The following CLUH variants were observed in gnomAD, a reference collection of about 807,000 sequenced individuals.
CLUH encodes CLUH binding protein of NUMT mRNA.
A neutral mutation model predicts 139.3 loss-of-function variants in CLUH; 77 were observed. That is an observed-to-expected ratio of 0.55 (90% CI 0.46 to 0.67). The LOEUF (loss-of-function observed/expected upper bound fraction) is 0.67. Ranked by LOEUF, CLUH falls within the 30% of genes least tolerant of loss-of-function variation. The pLI, the probability that CLUH is intolerant of heterozygous loss-of-function variation, is 0.00. For synonymous variants in CLUH, 999 were observed against 801.6 expected, an observed-to-expected ratio of 1.25 and a Z score of -4.16; for missense variants, 1,876 against 1,875.8, an observed-to-expected ratio of 1.00 and a Z score of 0.00.
At chr17:2,698,707 G>T in intron 9 of CLUH, 117 bp from the exon 10 acceptor site, 1 of 940,254 alleles carries the variant, frequency 1.1e-6, no homozygotes, top group Non-Finnish European at 1.5e-6. Context: ...GGAAACCCAA[G>T]GACCCGGAGC....
At chr17:2,694,822 T>TTCC in intron 16 of CLUH, 35 bp downstream of exon 16, 4 of 1,346,336 alleles carry the variant, frequency 3.0e-6, no homozygotes, top group Non-Finnish European at 4.0e-6. Flanking sequence ...ATCTGCCCAA[T>TTCC]CCCACCCACC....
intron 19 of CLUH, 59 bp downstream of exon 19, chr17:2,693,841 C>G: frequency 6.5e-7 from 1 of 1,546,434 alleles, no homozygotes; most frequent in South Asian, 1.2e-5. Context: ...TCAGGGGCCC[C>G]CTCACTCCCC....
chr17:2,702,758 G>A (rs12103845), intron 3 of CLUH, among the ~76,000 whole-genome samples: 4 of 150,608 alleles, frequency 2.7e-5, no homozygotes, highest in East Asian at 1.9e-4. Context: ...ACTGAACTGC[G>A]CTGACTTCAC....
chr17:2,700,633 G>GGAGGGCAGGGGTGCCCAGC, intron 8 of CLUH, 45 bp downstream of exon 8: 1 of 1,516,346 alleles, frequency 6.6e-7, no homozygotes, highest in South Asian at 1.3e-5. Flanking sequence ...CCAGCACCCA[G>GGAGGGCAGGGGTGCCCAGC]GAGGGCAGGG....
intron 10 of CLUH, 40 bp from the exon 11 acceptor site, chr17:2,696,982 C>A: frequency 1.4e-6 from 2 of 1,449,902 alleles, no homozygotes; most frequent in Non-Finnish European, 1.8e-6. Flanking sequence ...AGCTGGACAT[C>A]GGGGAGAGGA....
chr17:2,698,024 G>A lies in CLUH; in HGVS notation c.1833C>T (p.Asp611=). The A allele has an allele frequency of 3.7e-6, 6 of 1,604,704 alleles. No individual in the cohort carries two copies. Among genetic ancestry groups the A allele is most frequent in the Non-Finnish European group, 4.2e-6 (5 of 1,178,868 alleles). ...CGCCAGGCACGGGCAGGAAGTTGAG[G>A]TCCGGGGGGAAGGTGCGCAGCAGGT... ...ILDLLRTFPP[D]LNFLPVPGEE... The change falls in exon 10 of 26, where the codon GAC becomes GAT. Residue 611 remains aspartate, a synonymous_variant. Coordinates refer to ENST00000651024, the MANE Select transcript of CLUH (RefSeq NM_001366661.1).
At chr17:2,709,373 C>T (rs965576312) in intron 1 of CLUH, among the ~76,000 whole-genome samples, 10 of 152,320 alleles carry the variant, frequency 6.6e-5, no homozygotes, top group Admixed American at 6.5e-4. Context: ...TGTTTGCCTC[C>T]TTCCTGTCCC....
intron 16 of CLUH, 31 bp downstream of exon 16, chr17:2,694,823 CCCA>C: frequency 9.4e-6 from 8 of 848,522 alleles, no homozygotes; most frequent in Non-Finnish European, 1.4e-5. Context: ...TCTGCCCAAT[CCCA>C]CCCACCCCAC....
intron 25 of CLUH, 28 bp from the exon 26 acceptor site, chr17:2,690,805 G>A (rs376830271): frequency 1.4e-6 from 2 of 1,456,616 alleles, no homozygotes; most frequent in Non-Finnish European, 9.0e-7. Context: ...GATGGAGGTG[G>A]CTCTCAGAGG....
At position 2,706,889 on chromosome 17, in the gene CLUH, C is replaced by G. The variant is rs960170609; in HGVS notation, c.101-2325G>C. 2.0e-5 allele frequency among the ~76,000 whole-genome samples: 3 copies of G among 152,174 alleles called. No homozygotes were observed. The highest frequency in any genetic ancestry group is 4.8e-5 in the African/African-American group (2 of 41,420). ...TAGACAGAGACAGCCTGTGTTCTTT[C>G]GCATGTCTGGAATGGGAGGACAGAA... On this transcript the variant is annotated intron_variant, in intron 1 of 25. Transcript: ENST00000651024. The surrounding 1 kb of genome is among the most constrained non-coding windows in gnomAD (Gnocchi z 4.6).
chr17:2,707,418 C>T lies in CLUH; in HGVS notation c.101-2854G>A, dbSNP rs905033864. 13 of 985,312 alleles carry T rather than the reference C, an allele frequency of 1.3e-5. No homozygotes were observed. The South Asian group carries it at 1.9e-4, about 14-fold the overall frequency. 61.0% of individuals were successfully genotyped at this position (985,312 alleles called of 1,614,324 possible). On this transcript the variant is annotated intron_variant, in intron 1 of 25. Coordinates refer to ENST00000651024, the MANE Select transcript of CLUH (RefSeq NM_001366661.1). This position sits in a 1 kb window ranked among gnomAD's most constrained non-coding sequence, Gnocchi z 7.4. ...GGCACACTCCCCCTGCCTGGCATCC[C>T]GCTCAAGGTCGGCCAGAAGGACGGC...
At position 2,692,084 on chromosome 17, in the gene CLUH, C is replaced by T; in HGVS notation, c.3574G>A (p.Ala1192Thr). The T allele has an allele frequency of 1.2e-6, 2 of 1,602,790 alleles. No homozygotes were observed. The highest frequency in any genetic ancestry group is 1.3e-5 in the African/African-American group (1 of 74,784). Reference protein sequence around the residue: ...LKVALSHHLVARVYESKAEFR... With the variant: ...LKVALSHHLVTRVYESKAEFR... ...TCAGCTTTGCTCTCGTAGACTCGGG[C>T]GACAAGGTGGTGGCTGCCGGGAGGC... is the stretch of plus-strand genomic sequence containing the variant. Residue 1192 changes from alanine to threonine, a missense_variant, in exon 23 of 26, where the codon GCC becomes ACC. Ala to Thr is a moderately conservative substitution (Grantham distance 58). Coordinates refer to ENST00000651024, the MANE Select transcript of CLUH (RefSeq NM_001366661.1).
Position 2,692,563 on chromosome 17 carries a change from G to A in CLUH, c.3438+8C>T. The A allele has an allele frequency of 6.2e-7, 1 of 1,609,584 alleles. No homozygotes were observed. The highest frequency in any genetic ancestry group is 8.5e-7 in the Non-Finnish European group (1 of 1,178,672). ...GGGTCCCTGCCGCCCCCCCGCCCCA[G>A]CACTCACGTCCAGCAGCGCCATCTC... On this transcript the variant is annotated splice_region_variant and intron_variant, in intron 21 of 25. Coordinates refer to ENST00000651024, the MANE Select transcript of CLUH (RefSeq NM_001366661.1).
In CLUH at chr17:2,703,218, T is replaced by C. The variant is rs984484016; in HGVS notation, c.475+100A>G. 1.1e-5 allele frequency: 14 copies of C among 1,265,502 alleles called. No homozygotes were observed. The Admixed American group carries it at 2.8e-4, about 25-fold the overall frequency. 78.4% of individuals were successfully genotyped at this position (1,265,502 alleles called of 1,614,324 possible). On this transcript the variant is annotated intron_variant, in intron 3 of 25. Coordinates refer to ENST00000651024, the MANE Select transcript of CLUH (RefSeq NM_001366661.1). The surrounding 1 kb of genome is among the most constrained non-coding windows in gnomAD (Gnocchi z 4.2). Reference sequence around the variant, plus strand: ...GATCTGTGCTCCAATCCTGCCTCCATGAGCTCATCCGTGACACAGGGACCC... The same window carrying C: ...GATCTGTGCTCCAATCCTGCCTCCACGAGCTCATCCGTGACACAGGGACCC...
At chr17:2,699,058 A>C (rs1268981398) in intron 9 of CLUH, among the ~76,000 whole-genome samples, 1 of 152,056 alleles carries the variant, frequency 6.6e-6, no homozygotes, top group Non-Finnish European at 1.5e-5. Context: ...AAAAAAGCGC[A>C]AACAAACCAA....
rs765776589 is a variant in CLUH, at chr17:2,691,674, G to A, written c.3798C>T (p.Ala1266=). The A allele has an allele frequency of 1.9e-6, 3 of 1,612,460 alleles. No individual in the cohort carries two copies. The highest frequency in any genetic ancestry group is 1.1e-5 in the South Asian group (1 of 90,928). The change falls in exon 25 of 26, where the codon GCC becomes GCT. Residue 1266 remains alanine (A), a synonymous_variant. Coordinates refer to ENST00000651024, the MANE Select transcript of CLUH (RefSeq NM_001366661.1). ...GCTCCAAGACGCTGGCCATGCTGGG[G>A]GCCGTGAACTGCGGGGCGGGGAAAC... is the stretch of plus-strand genomic sequence containing the variant. ...SANIPPLKFT[A]PSMASVLEQL...
At chr17:2,702,654 G>A (rs1407303711) in intron 3 of CLUH, among the ~76,000 whole-genome samples, 9 of 152,146 alleles carry the variant, frequency 5.9e-5, no homozygotes, top group Admixed American at 3.3e-4. Flanking sequence ...CAGAAAACTC[G>A]AGGCCACAGA....
Position 2,700,742 on chromosome 17 carries a change from T to C in CLUH, c.1109A>G (p.Asp370Gly). The C allele has an allele frequency of 6.5e-7, 1 of 1,545,962 alleles. No individual in the cohort carries two copies. The highest frequency in any genetic ancestry group is 2.1e-5 in the Admixed American group (1 of 47,358). ...WTAPQAEHAM[D>G]CVRAEDAYTS... Reference sequence around the variant, plus strand: ...GTAGGCGTCCTCTGCACGCACGCAATCCATGGCATGCTCCGCCTGGGGGGC... The same window carrying C: ...GTAGGCGTCCTCTGCACGCACGCAACCCATGGCATGCTCCGCCTGGGGGGC... The change falls in exon 8 of 26, where the codon GAT becomes GGT. Residue 370 changes from aspartate to glycine, a missense_variant. Around this residue, in one of 3 missense-constraint regions of CLUH, gnomAD observed 1,454 missense variants for 1,384.4 expected, o/e 1.05. Transcript: ENST00000651024.
chr17:2,695,875 T>G, intron 13 of CLUH: 1 of 575,246 alleles, frequency 1.7e-6, no homozygotes, highest in Non-Finnish European at 3.1e-6. Context: ...AGGAGGAGGA[T>G]GGGCAGCCCC....
Sources: allele counts gnomAD v4.1 joint callset (sites outside exome capture counted in the v4.1 genomes callset), GRCh38; gene constraint gnomAD v4.1.1; regional missense constraint gnomAD v4.1.1; non-coding constraint Gnocchi (gnomAD v3.1); transcripts MANE v1.5; gene names NCBI Gene and HGNC (gene_info 2026-07-23, HGNC 2026-07-21).